The following GPR63 variants were observed in gnomAD, a reference collection of about 807,000 sequenced individuals.
The protein encoded by GPR63 is G protein-coupled receptor 63.
GPR63 carries 12 observed loss-of-function variants against 23.1 expected under a neutral mutation model. The ratio of observed to expected loss-of-function variants is 0.52; its 90% CI spans 0.33 to 0.84. The LOEUF (loss-of-function observed/expected upper bound fraction) is 0.84, where lower values mean the gene tolerates loss of function less well. Among genes scored for constraint, GPR63 ranks in the 40% least tolerant of loss-of-function variants. GPR63 has a pLI of 0.02. For missense variants in GPR63, 472 were observed against 515.6 expected (o/e 0.92, Z 0.82); for synonymous variants, 172 against 191.1 (o/e 0.90, Z 0.82).
intron 1 of GPR63, among the ~76,000 whole-genome samples, chr6:96,810,633 GA>G (rs1421124948): frequency 6.7e-6 from 1 of 150,214 alleles, no homozygotes; most frequent in African/African-American, 2.5e-5. Context: ...AAAAAAAAAA[GA>G]AAAAATTAAC....
In GPR63 at chr6:96,799,108, A is replaced by C; in HGVS notation, c.624T>G (p.Cys208Trp). The C allele has an allele frequency of 6.2e-7, 1 of 1,614,204 alleles. No homozygotes were observed. Reference sequence around the variant, plus strand: ...TTCCTACGGCTAAAGGAAAAGCTACACAAAAGGAAGTTGCCCAAGAAACTG... The same window carrying C: ...TTCCTACGGCTAAAGGAAAAGCTACCCAAAAGGAAGTTGCCCAAGAAACTG... Reference protein sequence around the residue: ...LIAVSWATSFCVAFPLAVGNP... With the variant: ...LIAVSWATSFWVAFPLAVGNP... The change falls in exon 2 of 2, where the codon TGT becomes TGG. Residue 208 changes from cysteine to tryptophan, a missense_variant. Coordinates refer to ENST00000229955, the MANE Select transcript of GPR63 (RefSeq NM_030784.4).
chr6:96,824,637 C>A (rs1436539017), intron 1 of GPR63, among the ~76,000 whole-genome samples: 1 of 100,942 alleles, frequency 9.9e-6, no homozygotes, highest in Non-Finnish European at 1.9e-5. Flanking sequence ...TCATTTTGAA[C>A]TTTTAAAAAA....
intron 1 of GPR63, among the ~76,000 whole-genome samples, chr6:96,833,174 T>C (rs1293279422): frequency 6.6e-6 from 1 of 152,128 alleles, no homozygotes; most frequent in Non-Finnish European, 1.5e-5. Flanking sequence ...GAATGGATCT[T>C]ACTACAAAAG....
intron 1 of GPR63, among the ~76,000 whole-genome samples, chr6:96,819,516 G>A (rs541597662): frequency 3.9e-5 from 6 of 151,906 alleles, no homozygotes; most frequent in Non-Finnish European, 7.4e-5. Flanking sequence ...GGGGCCTGTC[G>A]GGGTGCAGGG....
intron 1 of GPR63, among the ~76,000 whole-genome samples, chr6:96,810,946 T>C (rs1034324116): frequency 6.6e-6 from 1 of 152,200 alleles, no homozygotes; most frequent in Admixed American, 6.5e-5. Flanking sequence ...CAACCTATCT[T>C]ATTTGTAACA....
intron 1 of GPR63, among the ~76,000 whole-genome samples, chr6:96,827,425 G>A (rs1774471459): frequency 6.6e-6 from 1 of 152,052 alleles, no homozygotes; most frequent in African/African-American, 2.4e-5. Flanking sequence ...CATGGAATTG[G>A]AGTTCCAGAA....
intron 1 of GPR63, among the ~76,000 whole-genome samples, chr6:96,819,572 G>A (rs1311233966): frequency 6.6e-6 from 1 of 151,636 alleles, no homozygotes; most frequent in Non-Finnish European, 1.5e-5. Flanking sequence ...ATGCATGCAG[G>A]GCTTAAAACC....
At chr6:96,810,771 G>T (rs1774023104) in intron 1 of GPR63, among the ~76,000 whole-genome samples, 1 of 152,104 alleles carries the variant, frequency 6.6e-6, no homozygotes, top group South Asian at 2.1e-4. Flanking sequence ...ACGGACAAAA[G>T]GGATTTCTTT....
At position 96,798,229 on chromosome 6, in the gene GPR63, C is replaced by CA. The variant is rs1274457071; in HGVS notation, c.*242dup. ...ATCAATCAAGGAAAAACCCCAAAAC[C>CA]AAAAAAAAGTCTCCTCACCCTAAAT... is the stretch of plus-strand genomic sequence containing the variant. On this transcript the variant is annotated 3_prime_UTR_variant, in exon 2 of 2. Transcript: ENST00000229955. The CA allele has an allele frequency of 1.2e-4, 50 of 417,172 alleles. No individual in the cohort carries two copies. The highest frequency in any genetic ancestry group is 5.0e-4 in the East Asian group (13 of 26,176). The allele number at this position is 417,172 out of a possible 1,614,324, so 25.8% of individuals were successfully genotyped here.
intron 1 of GPR63, among the ~76,000 whole-genome samples, chr6:96,800,321 T>C (rs1773729436): frequency 6.6e-6 from 1 of 152,172 alleles, no homozygotes; most frequent in African/African-American, 2.4e-5. Flanking sequence ...CTTACTCTAA[T>C]TTTACATTAG....
chr6:96,794,587 C>A lies in GPR63; in HGVS notation c.*3885G>T, dbSNP rs1773535031. On this transcript the variant is annotated 3_prime_UTR_variant, in exon 2 of 2. Coordinates refer to ENST00000229955, the MANE Select transcript of GPR63 (RefSeq NM_030784.4). ...AAAGATCAAGAAAAAAATTAAATAT[C>A]TTTGTGGGCAACAGAAATACACATA... The A allele has an allele frequency of 6.6e-6, 1 of 152,086 alleles. No individual in the cohort carries two copies. Among genetic ancestry groups the A allele is most frequent in the Non-Finnish European group, 1.5e-5 (1 of 68,012 alleles). The allele number at this position is 152,086 out of a possible 1,614,324, so 9.4% of individuals were successfully genotyped here. A position where few individuals can be genotyped will look rare whatever the true frequency, so the allele number is the denominator to read the frequency against.
At chr6:96,805,053 G>A (rs1404594789) in intron 1 of GPR63, among the ~76,000 whole-genome samples, 1 of 151,844 alleles carries the variant, frequency 6.6e-6, no homozygotes, top group African/African-American at 2.4e-5. Context: ...CTTTCAGCTG[G>A]GTTATCTTTT....
At chr6:96,822,242 C>T (rs1351267141) in intron 1 of GPR63, among the ~76,000 whole-genome samples, 4 of 152,082 alleles carry the variant, frequency 2.6e-5, no homozygotes, top group East Asian at 1.9e-4. Context: ...TCTGCTCTAA[C>T]GTACACCATT....
rs1177314351 is a variant in GPR63, at chr6:96,832,293, C to CT, written c.-151+4974dup. Among the ~76,000 whole-genome samples, 7 of 152,018 alleles carry CT rather than the reference C, an allele frequency of 4.6e-5. No individual in the cohort carries two copies. In the East Asian group the frequency reaches 7.7e-4, roughly 17 times the overall value. On this transcript the variant is annotated intron_variant, in intron 1 of 1. Transcript: ENST00000229955. ...TTCTTTTTCTTTTTGAAGACAGGGTCTTTCTCTGTTGTCCTGGCTGGAGTG... is the reference window on the plus strand; with the variant it reads ...TTCTTTTTCTTTTTGAAGACAGGGTCTTTTCTCTGTTGTCCTGGCTGGAGTG...
intron 1 of GPR63, among the ~76,000 whole-genome samples, chr6:96,833,608 T>C (rs1774646676): frequency 6.6e-6 from 1 of 152,176 alleles, no homozygotes; most frequent in South Asian, 2.1e-4. Context: ...CCTAAAATAT[T>C]TTTCAAATGC....
chr6:96,798,256 G>A lies in GPR63; in HGVS notation c.*216C>T, dbSNP rs1366643930. 1 of 507,852 alleles carries A rather than the reference G, an allele frequency of 2.0e-6. No individual in the cohort carries two copies. Among genetic ancestry groups the A allele is most frequent in the Non-Finnish European group, 3.3e-6 (1 of 302,668 alleles). 31.5% of individuals were successfully genotyped at this position (507,852 alleles called of 1,614,324 possible). Reference sequence around the variant, plus strand: ...AAAAAAAGTCTCCTCACCCTAAATTGAGGATTTCTATTGAACCCTGGAGGT... The same window carrying A: ...AAAAAAAGTCTCCTCACCCTAAATTAAGGATTTCTATTGAACCCTGGAGGT... On this transcript the variant is annotated 3_prime_UTR_variant, in exon 2 of 2. Coordinates refer to ENST00000229955, the MANE Select transcript of GPR63 (RefSeq NM_030784.4).
At position 96,794,880 on chromosome 6, in the gene GPR63, C is replaced by G. The variant is rs1054364937; in HGVS notation, c.*3592G>C. 2 of 152,218 alleles carry G rather than the reference C, an allele frequency of 1.3e-5. No individual in the cohort carries two copies. The highest frequency in any genetic ancestry group is 2.9e-5 in the Non-Finnish European group (2 of 68,044). 9.4% of individuals were successfully genotyped at this position (152,218 alleles called of 1,614,324 possible). On this transcript the variant is annotated 3_prime_UTR_variant, in exon 2 of 2. Transcript: ENST00000229955. ...AAGCTAACACTGGCAAGATCCAGCA[C>G]AAACACAGGTGGCAGCAAATCAGGC...
intron 1 of GPR63, among the ~76,000 whole-genome samples, chr6:96,830,656 T>C (rs772643295): frequency 1.3e-5 from 2 of 152,210 alleles, no homozygotes; most frequent in Non-Finnish European, 2.9e-5. Context: ...GTTTACCTTC[T>C]ACATCCAGAA....
intron 1 of GPR63, among the ~76,000 whole-genome samples, chr6:96,822,946 T>C (rs1035710931): frequency 2.0e-5 from 3 of 152,298 alleles, no homozygotes; most frequent in African/African-American, 7.2e-5. Context: ...GAAAAATTCC[T>C]TTCATAAGAT....
Sources: allele counts gnomAD v4.1 joint callset (sites outside exome capture counted in the v4.1 genomes callset), GRCh38; gene constraint gnomAD v4.1.1; transcripts MANE v1.5; gene names NCBI Gene and HGNC (gene_info 2026-07-23, HGNC 2026-07-21).